DRC1: variants seen among roughly 807,000 people sequenced by gnomAD.
DRC1 encodes the protein dynein regulatory complex protein 1.
In DRC1, 74 loss-of-function variants were observed where a neutral mutation model predicts 98.7. The observed-to-expected ratio is 0.75, with a 90% CI of 0.62 to 0.91. The LOEUF (loss-of-function observed/expected upper bound fraction) is 0.91. DRC1 is among the 40% of genes least tolerant of loss of function. The pLI is 0.00. For synonymous variants in DRC1, 336 were observed against 334.1 expected (o/e 1.01, Z -0.06); for missense variants, 875 against 886.0 (o/e 0.99, Z 0.16).
In DRC1 at chr2:26,402,066, C is replaced by T. The variant is rs745542616; in HGVS notation, c.77C>T (p.Ser26Leu). The T allele has an allele frequency of 3.7e-6, 6 of 1,613,368 alleles. 1 individual carries two copies. Among genetic ancestry groups the T allele is most frequent in the South Asian group, 3.3e-5 (3 of 91,050 alleles). Reference protein sequence around the residue: ...EHLSTQILAPSVHSDNSQERI... With the variant: ...EHLSTQILAPLVHSDNSQERI... ...TTGTCCACCCAGATTCTCGCGCCCT[C>T]GGTCCACTCCGACAACTCTCAGGAG... Residue 26 changes from serine to leucine, a missense_variant, in exon 1 of 17, where the codon TCG (serine) becomes TTG (leucine). By Grantham distance (145) the Ser-to-Leu change is moderately radical. Transcript: ENST00000288710.
intron 8 of DRC1, among the ~76,000 whole-genome samples, chr2:26,443,799 AT>A (rs907439381): frequency 5.3e-5 from 8 of 152,122 alleles, no homozygotes; most frequent in South Asian, 2.1e-4. Context: ...TGTGATATGC[AT>A]TTTTTTTCTT....
At chr2:26,418,660 TATTATATAAATTAA>T (rs1678923657) in intron 2 of DRC1, among the ~76,000 whole-genome samples, 1 of 90,190 alleles carries the variant, frequency 1.1e-5, no homozygotes, top group African/African-American at 4.6e-5. Context: ...ATAAATTATA[TATTATATAAATTAA>T]ATATAATTTA....
intron 2 of DRC1, 68 bp downstream of exon 2, chr2:26,414,499 T>G: frequency 7.0e-7 from 1 of 1,422,892 alleles, no homozygotes; most frequent in South Asian, 1.2e-5. Flanking sequence ...GGTTTTCACA[T>G]TTAGACTGGA....
intron 1 of DRC1, among the ~76,000 whole-genome samples, chr2:26,403,367 C>T (rs1184303536): frequency 6.6e-6 from 1 of 152,126 alleles, no homozygotes; most frequent in Admixed American, 6.6e-5. Context: ...GACACGAGCC[C>T]ACCAGTATAG....
At chr2:26,424,911 C>T (rs1039305408) in intron 4 of DRC1, among the ~76,000 whole-genome samples, 1 of 152,200 alleles carries the variant, frequency 6.6e-6, no homozygotes, top group Non-Finnish European at 1.5e-5. Context: ...GAGATCGCAC[C>T]ACTGCACTCC....
Position 26,444,908 on chromosome 2 carries a change from G to T in DRC1, c.1356G>T (p.Lys452Asn), listed in dbSNP as rs758656958. The T allele has an allele frequency of 1.2e-6, 2 of 1,614,160 alleles. No homozygotes were observed. Among genetic ancestry groups the T allele is most frequent in the East Asian group, 2.2e-5 (1 of 44,888 alleles). The change falls in exon 10 of 17, where the codon AAG becomes AAT. Residue 452 changes from lysine (K) to asparagine (N), a missense_variant. Physicochemically the swap from Lys to Asn is moderately conservative, Grantham distance 94. Coordinates refer to ENST00000288710, the MANE Select transcript of DRC1 (RefSeq NM_145038.5). ...NVGPISQQPQ[K>N]SATQIVEEML... ...GGCCTATTTCTCAGCAGCCCCAGAA[G>T]TCCGCCACACAGATAGTAGAAGAAA...
intron 11 of DRC1, 131 bp downstream of exon 11, chr2:26,448,934 C>G: frequency 2.2e-6 from 2 of 910,008 alleles, no homozygotes; most frequent in Non-Finnish European, 3.5e-6. Flanking sequence ...GGGTTGGGCC[C>G]TGAGGAGCAG....
intron 8 of DRC1, among the ~76,000 whole-genome samples, chr2:26,443,322 C>A (rs1242223982): frequency 1.3e-5 from 2 of 152,184 alleles, no homozygotes; most frequent in Non-Finnish European, 2.9e-5. Context: ...CTAAACATTG[C>A]GCCTGCCATG....
intron 2 of DRC1, among the ~76,000 whole-genome samples, chr2:26,415,701 G>A (rs953652803): frequency 4.6e-5 from 7 of 152,168 alleles, no homozygotes; most frequent in Admixed American, 1.3e-4. Flanking sequence ...GGAGGCCGAG[G>A]CGAGCGGATC....
At chr2:26,452,450 T>A (rs781376242) in intron 13 of DRC1, among the ~76,000 whole-genome samples, 8 of 152,214 alleles carry the variant, frequency 5.3e-5, no homozygotes, top group Admixed American at 1.3e-4. Flanking sequence ...AGTAGAGATG[T>A]GGTTTCACCA....
intron 1 of DRC1, among the ~76,000 whole-genome samples, chr2:26,402,955 T>C (rs1286121178): frequency 6.6e-6 from 1 of 152,190 alleles, no homozygotes; most frequent in African/African-American, 2.4e-5. Flanking sequence ...ATGGCCTCTT[T>C]CCTAGCTGCT....
chr2:26,436,969 A>G (rs1208701577), intron 7 of DRC1, among the ~76,000 whole-genome samples: 1 of 152,156 alleles, frequency 6.6e-6, no homozygotes, highest in Non-Finnish European at 1.5e-5. Flanking sequence ...ACGTTCTCAG[A>G]TGGTTACATC....
At chr2:26,450,513 G>A (rs1176107972) in intron 12 of DRC1, 79 bp from the exon 13 acceptor site, 1 of 1,312,984 alleles carries the variant, frequency 7.6e-7, no homozygotes, top group East Asian at 2.4e-5. Flanking sequence ...CCGCTCTTAG[G>A]AGCTGAGCAT....
rs201097702 is a variant in DRC1, at chr2:26,414,425, C to A, written c.237C>A (p.Ser79Arg). The change falls in exon 2 of 17, where the codon AGC becomes AGA. Residue 79 changes from serine to arginine, a missense_variant. Physicochemically the swap from Ser to Arg is moderately radical, Grantham distance 110. Transcript: ENST00000288710. Reference protein sequence around the residue: ...QSKSYKQKEESRLKLAKLLLC... With the variant: ...QSKSYKQKEERRLKLAKLLLC... ...AGAGCTACAAACAGAAAGAAGAAAG[C>A]CGATTGGTATGAACTGGTTGGCAGA... 20 of 1,612,940 alleles carry A rather than the reference C, an allele frequency of 1.2e-5. No homozygotes were observed. In the Admixed American group the frequency reaches 3.2e-4, roughly 26 times the overall value.
At chr2:26,418,671 TTAA>T (rs1678926018) in intron 2 of DRC1, among the ~76,000 whole-genome samples, 2 of 97,330 alleles carry the variant, frequency 2.1e-5, no homozygotes, top group African/African-American at 4.4e-5. Flanking sequence ...ATTATATAAA[TTAA>T]ATATAATTTA....
chr2:26,430,601 C>T (rs761240735), intron 5 of DRC1, 185 bp from the exon 6 acceptor site: 1 of 717,098 alleles, frequency 1.4e-6, no homozygotes, highest in Non-Finnish European at 2.6e-6. Context: ...CTTCATAATG[C>T]TAATTTCCAT....
At chr2:26,404,909 T>C (rs910258854) in intron 1 of DRC1, among the ~76,000 whole-genome samples, 4 of 152,206 alleles carry the variant, frequency 2.6e-5, no homozygotes, top group Admixed American at 6.5e-5. Flanking sequence ...TGGGTGTCAA[T>C]GGTAACTCAG....
chr2:26,446,178 C>T (rs1264390913), intron 10 of DRC1, among the ~76,000 whole-genome samples: 1 of 150,040 alleles, frequency 6.7e-6, no homozygotes, highest in East Asian at 2.0e-4. Context: ...CTCACTGCAA[C>T]CTCTGCCGCC....
chr2:26,450,460 C>T (rs927169149), intron 12 of DRC1, 132 bp from the exon 13 acceptor site: 15 of 740,812 alleles, frequency 2.0e-5, no homozygotes, highest in Admixed American at 7.4e-5. Flanking sequence ...AGTTCACAGT[C>T]GCTTCCCAGC....
Sources: allele counts gnomAD v4.1 joint callset (sites outside exome capture counted in the v4.1 genomes callset), GRCh38; gene constraint gnomAD v4.1.1; transcripts MANE v1.5; gene names NCBI Gene and HGNC (gene_info 2026-07-23, HGNC 2026-07-21).